The following RNF212B variants were observed in gnomAD, a reference collection of about 807,000 sequenced individuals.
RNF212B encodes the protein ring finger protein 212B.
A neutral mutation model predicts 55.5 loss-of-function variants in RNF212B; 52 were observed. The observed-to-expected ratio is 0.94, with a 90% CI of 0.75 to 1.18. The LOEUF (loss-of-function observed/expected upper bound fraction) is 1.18, where lower values mean the gene tolerates loss of function less well. Ranked by LOEUF, RNF212B falls within the 50% of genes most tolerant of loss-of-function variation. RNF212B has a pLI of 0.00. For missense variants in RNF212B, 289 were observed against 350.4 expected (o/e 0.82, Z 1.40); for synonymous variants, 99 against 121.4 (o/e 0.82, Z 1.21).
Position 23,259,883 on chromosome 14 carries a change from G to A in RNF212B, c.345-1G>A. ...GCTGATTGTTTCCATCTTTTGCCTA[G>A]AGAATTGTCAGTCTTAAGGAAGGAG... On this transcript the variant is annotated splice_acceptor_variant, in intron 5 of 14. Coordinates refer to ENST00000430154, the MANE Select transcript of RNF212B (RefSeq NM_001282322.3). LOFTEE classifies it high-confidence loss of function. 1 of 1,504,228 alleles carries A rather than the reference G, an allele frequency of 6.6e-7. No individual in the cohort carries two copies. Among genetic ancestry groups the A allele is most frequent in the Non-Finnish European group, 8.9e-7 (1 of 1,124,034 alleles). The allele number at this position is 1,504,228 out of a possible 1,614,324, so 93.2% of individuals were successfully genotyped here. A position where few individuals can be genotyped will look rare whatever the true frequency, so the allele number is the denominator to read the frequency against.
At chr14:23,250,796 G>A (rs1218275027) in intron 4 of RNF212B, among the ~76,000 whole-genome samples, 3 of 152,208 alleles carry the variant, frequency 2.0e-5, no homozygotes, top group Admixed American at 6.5e-5. Flanking sequence ...ATCAACATAT[G>A]TATGATGAAC....
At chr14:23,261,172 GA>G (rs1254940617) in intron 7 of RNF212B, 1 of 296,692 alleles carries the variant, frequency 3.4e-6, no homozygotes, top group Non-Finnish European at 6.5e-6. Context: ...AGGTAGAGGA[GA>G]ACAAAGGAAG....
chr14:23,220,557 G>A (rs868483883), intron 2 of RNF212B, among the ~76,000 whole-genome samples: 1 of 149,626 alleles, frequency 6.7e-6, no homozygotes, highest in African/African-American at 2.5e-5. Flanking sequence ...CGGGCTCGGT[G>A]GCTCACGCCT....
At chr14:23,203,482 CT>C (rs35208170) in intron 2 of RNF212B, among the ~76,000 whole-genome samples, 33,199 of 123,322 alleles carry the variant, frequency 0.27, 5,911 homozygotes, top group Middle Eastern at 0.4. Flanking sequence ...TTTAGTCCCC[CT>C]TTTTTTTTTT....
Position 23,221,693 on chromosome 14 carries a change from C to T in RNF212B, c.-1-18652C>T, listed in dbSNP as rs188493713. ...CAACAGCTGTAGAATACACATTCTT[C>T]TTTTTAGCGCATGGGTAATTCTTAA... On this transcript the variant is annotated intron_variant, in intron 2 of 15. Transcript: ENST00000399910. Among the ~76,000 whole-genome samples, 1,319 of 152,270 alleles carry T rather than the reference C, an allele frequency of 8.7e-3. 25 individuals are homozygous for T. The highest frequency in any genetic ancestry group is 0.03 in the African/African-American group (1,249 of 41,550).
In RNF212B at chr14:23,272,714, A is replaced by G. The variant is rs530324747; in HGVS notation, c.835-109A>G. 35 of 733,230 alleles carry G rather than the reference A, an allele frequency of 4.8e-5. No individual in the cohort carries two copies. In the African/African-American group the frequency reaches 5.1e-4, roughly 11 times the overall value. 45.4% of individuals were successfully genotyped at this position (733,230 alleles called of 1,614,324 possible). ...CAATGAAGAAAACTATGGGGAAGCAAAAGCAGTGGTGTCTGTCTCGATAAG... is the reference window on the plus strand; with the variant it reads ...CAATGAAGAAAACTATGGGGAAGCAGAAGCAGTGGTGTCTGTCTCGATAAG... On this transcript the variant is annotated intron_variant, in intron 14 of 14. Coordinates refer to ENST00000430154, the MANE Select transcript of RNF212B (RefSeq NM_001282322.3).
chr14:23,203,484 T>A (rs1298270646), intron 2 of RNF212B, among the ~76,000 whole-genome samples: 2 of 56,896 alleles, frequency 3.5e-5, no homozygotes, highest in African/African-American at 7.6e-5. Context: ...TAGTCCCCCT[T>A]TTTTTTTTTT....
chr14:23,262,155 A>G (rs1489382134), intron 7 of RNF212B, among the ~76,000 whole-genome samples: 2 of 151,248 alleles, frequency 1.3e-5, no homozygotes, highest in African/African-American at 4.9e-5. Flanking sequence ...ACACTTAAAC[A>G]CTGTTCTGAT....
chr14:23,252,162 C>T (rs1262182017), intron 4 of RNF212B, among the ~76,000 whole-genome samples: 2 of 152,066 alleles, frequency 1.3e-5, no homozygotes, highest in Non-Finnish European at 2.9e-5. Flanking sequence ...CAACAAGTCC[C>T]CATTTTGATG....
chr14:23,206,655 G>A (rs1451080978), intron 2 of RNF212B, among the ~76,000 whole-genome samples: 1 of 151,982 alleles, frequency 6.6e-6, no homozygotes, highest in African/African-American at 2.4e-5. Flanking sequence ...CACATTAAAG[G>A]AAACAACTCA....
chr14:23,266,145 G>A lies in RNF212B; in HGVS notation c.634+1474G>A, dbSNP rs546566412. On this transcript the variant is annotated intron_variant, in intron 11 of 14. Transcript: ENST00000430154. The stretch of plus-strand genomic sequence containing the variant: ...GGCAAATTTTTGTATTTTTAGTAGC[G>A]ACGGGGTTTCACCATGTTGGCCAGG... Among the ~76,000 whole-genome samples the A allele has an allele frequency of 1.7e-3, 253 of 151,938 alleles. 2 individuals are homozygous for A. Among genetic ancestry groups the A allele is most frequent in the African/African-American group, 5.8e-3 (241 of 41,456 alleles).
intron 10 of RNF212B, 98 bp from the exon 11 acceptor site, chr14:23,264,525 A>G (rs1885535387): frequency 1.1e-6 from 1 of 912,164 alleles, no homozygotes; most frequent in African/African-American, 1.7e-5. Flanking sequence ...GCAGTAGAAC[A>G]ATATATGCTT....
chr14:23,261,947 G>A (rs2140475096), intron 7 of RNF212B, among the ~76,000 whole-genome samples: 1 of 151,032 alleles, frequency 6.6e-6, no homozygotes, highest in Middle Eastern at 3.4e-3. Context: ...CAGCCTGGGT[G>A]ACAGAGTGGG....
intron 1 of RNF212B, among the ~76,000 whole-genome samples, chr14:23,191,996 C>T (rs1006357087): frequency 1.3e-5 from 2 of 152,070 alleles, no homozygotes; most frequent in Admixed American, 1.3e-4. Context: ...CCTTTCAGGC[C>T]ATGCATTCAA....
intron 2 of RNF212B, 89 bp from the exon 3 acceptor site, chr14:23,243,167 G>A (rs1045906532): frequency 2.3e-6 from 2 of 853,216 alleles, no homozygotes. Context: ...TCCTTTGCTA[G>A]CATACTAGAT....
chr14:23,203,819 G>A (rs1013268679), intron 2 of RNF212B, among the ~76,000 whole-genome samples: 2 of 152,228 alleles, frequency 1.3e-5, no homozygotes, highest in African/African-American at 2.4e-5. Context: ...GTTTTCCCTA[G>A]TGGCTGTACT....
chr14:23,233,857 G>A (rs938844829), upstream of RNF212B, among the ~76,000 whole-genome samples: 22 of 152,076 alleles, frequency 1.4e-4, no homozygotes, highest in Non-Finnish European at 5.9e-5. Flanking sequence ...AGCACTTTGG[G>A]AAGCCAAGGT....
At chr14:23,262,573 A>T in intron 7 of RNF212B, 92 bp from the exon 8 acceptor site, 1 of 1,083,284 alleles carries the variant, frequency 9.2e-7, no homozygotes, top group Non-Finnish European at 1.3e-6. Context: ...GGAAGCTATT[A>T]TTCTATAAAC....
At chr14:23,203,975 T>A (rs1879585686) in intron 2 of RNF212B, among the ~76,000 whole-genome samples, 2 of 152,244 alleles carry the variant, frequency 1.3e-5, no homozygotes, top group Non-Finnish European at 2.9e-5. Flanking sequence ...ATTTCCCTGA[T>A]CACTAGTGAT....
Sources: allele counts gnomAD v4.1 joint callset (sites outside exome capture counted in the v4.1 genomes callset), GRCh38; gene constraint gnomAD v4.1.1; transcripts MANE v1.5; gene names NCBI Gene and HGNC (gene_info 2026-07-23, HGNC 2026-07-21).